Variants in PHPT1 observed in about 807,000 individuals in gnomAD.
The protein encoded by PHPT1 is phosphohistidine phosphatase 1.
Under a neutral mutation model 15.6 loss-of-function variants are expected in PHPT1, and 16 were observed. The observed-to-expected ratio is 1.03, with a 90% CI of 0.70 to 1.56. The LOEUF is 1.56. PHPT1 is among the 40% of genes most tolerant of loss of function. The pLI is 0.00. For synonymous variants in PHPT1, 102 were observed against 68.1 expected, an observed-to-expected ratio of 1.50 and a Z score of -2.45; for missense variants, 228 against 171.0, an observed-to-expected ratio of 1.33 and a Z score of -1.86.
chr9:136,850,592 A>T, intron 2 of PHPT1, 163 bp from the exon 3 acceptor site: 3 of 1,603,036 alleles, frequency 1.9e-6, no homozygotes, highest in South Asian at 2.2e-5. Context: ...GCCTCTCCCC[A>T]GGGGAGCCCC....
chr9:136,850,451 T>A, intron 2 of PHPT1: 1 of 1,508,362 alleles, frequency 6.6e-7, no homozygotes, highest in Non-Finnish European at 9.1e-7. Context: ...AGGCAGTCAG[T>A]ACCTGGGTGG....
At chr9:136,849,843 C>T in intron 1 of PHPT1, 170 bp from the exon 2 acceptor site, 1 of 792,796 alleles carries the variant, frequency 1.3e-6, no homozygotes, top group Non-Finnish European at 2.0e-6. Flanking sequence ...GCGCCCTCCC[C>T]GGTTCCACCC....
At position 136,850,805 on chromosome 9, in the gene PHPT1, G is replaced by C; in HGVS notation, c.336G>C (p.Lys112Asn). ...TTTCAACTGAGAAAATCAAAGCCAA[G>C]TACCCCGACTACGAGGTCACCTGGG... Reference protein sequence around the residue: ...HAISTEKIKAKYPDYEVTWAN... With the variant: ...HAISTEKIKANYPDYEVTWAN... The change falls in exon 3 of 3, where the codon AAG (lysine) becomes AAC (asparagine). Residue 112 changes from lysine to asparagine, a missense_variant. Physicochemically the swap from Lys to Asn is moderately conservative, Grantham distance 94 (BLOSUM62 0). Transcript: ENST00000247665. 1.2e-6 allele frequency: 2 copies of C among 1,613,264 alleles called. No individual in the cohort carries two copies. Among genetic ancestry groups the C allele is most frequent in the Non-Finnish European group, 1.7e-6 (2 of 1,179,954 alleles).
chr9:136,850,935 C>T lies in PHPT1; in HGVS notation c.*88C>T, dbSNP rs770001534. 1.0e-6 allele frequency: 1 copy of T among 1,001,554 alleles called. No homozygotes were observed. 62.0% of individuals were successfully genotyped at this position (1,001,554 alleles called of 1,614,324 possible). ...ACTCCTCTTGCAGGGCTGGCCCTGC[C>T]TGCTCCTGCGGCAGCCTCTGGTGAC... On this transcript the variant is annotated 3_prime_UTR_variant, in exon 3 of 3. Coordinates refer to ENST00000247665, the MANE Select transcript of PHPT1 (RefSeq NM_014172.6).
At chr9:136,850,338 G>A in intron 2 of PHPT1, 1 of 840,040 alleles carries the variant, frequency 1.2e-6, no homozygotes, top group Non-Finnish European at 1.9e-6. Flanking sequence ...CCTGAGGGGT[G>A]GGACGGACAC....
intron 2 of PHPT1, 173 bp from the exon 3 acceptor site, chr9:136,850,582 G>C: frequency 1.2e-6 from 2 of 1,606,552 alleles, no homozygotes; most frequent in Non-Finnish European, 1.7e-6. Context: ...TGTGGAGGTC[G>C]CCTCTCCCCA....
At chr9:136,850,683 G>A in intron 2 of PHPT1, 72 bp from the exon 3 acceptor site, 16 of 1,500,950 alleles carry the variant, frequency 1.1e-5, no homozygotes, top group East Asian at 2.3e-5. Flanking sequence ...TGTGGCTGGT[G>A]GCTGGATGCC....
intron 1 of PHPT1, 45 bp downstream of exon 1, chr9:136,849,635 GCGGGGGCGGGGCTGGCGGGA>G: frequency 6.9e-7 from 1 of 1,451,704 alleles, no homozygotes; most frequent in Non-Finnish European, 9.2e-7. Flanking sequence ...GCCTGGCGAG[GCGGGGGCGGGGCTGGCGGGA>G]CGGAGACGGG....
Position 136,850,027 on chromosome 9 carries a change from A to T in PHPT1, c.175A>T (p.Lys59Ter). ...TCCCATCCCAGCGGACATCTACGAC[A>T]AAGTGTCGGGCGACATGCAGAAGCA... ...WAEYHADIYDKVSGDMQKQGC... is the reference protein window; with the variant it reads ...WAEYHADIYD Residue 59 changes from lysine (K) to a stop codon, truncating the protein, a stop_gained, in exon 2 of 3, where the codon AAA (lysine) becomes TAA (stop). Coordinates refer to ENST00000247665, the MANE Select transcript of PHPT1 (RefSeq NM_014172.6). LOFTEE classifies it high-confidence loss of function. 6.2e-7 allele frequency: 1 copy of T among 1,612,656 alleles called. No homozygotes were observed. The highest frequency in any genetic ancestry group is 8.5e-7 in the Non-Finnish European group (1 of 1,179,692).
At chr9:136,850,720 C>T in intron 2 of PHPT1, 35 bp from the exon 3 acceptor site, 1 of 1,562,360 alleles carries the variant, frequency 6.4e-7, no homozygotes. Context: ...GTTGAAGGGT[C>T]CAGGTAGTGC....
At chr9:136,849,954 T>C (rs1201322852) in intron 1 of PHPT1, 59 bp from the exon 2 acceptor site, 2 of 1,557,548 alleles carry the variant, frequency 1.3e-6, no homozygotes, top group Non-Finnish European at 1.7e-6. Context: ...GGCTGGGAGT[T>C]CCTCCCGCGG....
In PHPT1 at chr9:136,849,570, A is replaced by G. The variant is rs753951169; in HGVS notation, c.140A>G (p.Tyr47Cys). The stretch of plus-strand genomic sequence containing the variant: ...GAGAGCAAGGAGATCGTGCGCGGCT[A>G]CAAGTGGGCTGAGTACCATGGTGAG... ...AAESKEIVRG[Y>C]KWAEYHADIY... The change falls in exon 1 of 3, where the codon TAC becomes TGC. Residue 47 changes from tyrosine (Y) to cysteine (C), a missense_variant. Tyr to Cys is a radical substitution (Grantham distance 194). Transcript: ENST00000247665. 20 of 1,604,802 alleles carry G rather than the reference A, an allele frequency of 1.2e-5. No homozygotes were observed. Among genetic ancestry groups the G allele is most frequent in the Non-Finnish European group, 1.5e-5 (18 of 1,177,654 alleles).
chr9:136,850,060 G>A lies in PHPT1; in HGVS notation c.208G>A (p.Asp70Asn). ...GGGCGACATGCAGAAGCAAGGCTGC[G>A]ACTGTGAGTGTCTGGGCGGCGGGCG... The part of the protein sequence containing the change: ...VSGDMQKQGC[D>N]CECLGGGRIS... Residue 70 changes from aspartate (D) to asparagine (N), a missense_variant, in exon 2 of 3, where the codon GAC (aspartate) becomes AAC (asparagine). Transcript: ENST00000247665. 1.2e-6 allele frequency: 2 copies of A among 1,613,170 alleles called. No homozygotes were observed. The highest frequency in any genetic ancestry group is 1.7e-6 in the Non-Finnish European group (2 of 1,179,876).
rs563301965 is a variant in PHPT1 at position 136,850,089 on chromosome 9, C to G, written c.237C>G (p.Ile79Met). The change falls in exon 2 of 3, where the codon ATC becomes ATG. Residue 79 changes from isoleucine to methionine, a missense_variant. Coordinates refer to ENST00000247665, the MANE Select transcript of PHPT1 (RefSeq NM_014172.6). ...CDCECLGGGR[I>M]SHQSQDKKIH... is the part of the protein sequence containing the mutation. ...GTGAGTGTCTGGGCGGCGGGCGCAT[C>G]TCCCACCAGAGTCAGGACAAGAAGA... 5 of 1,613,190 alleles carry G rather than the reference C, an allele frequency of 3.1e-6. No homozygotes were observed. Among genetic ancestry groups the G allele is most frequent in the Middle Eastern group, 1.7e-4 (1 of 6,060 alleles).
chr9:136,849,414 A>G lies in PHPT1; in HGVS notation c.-17A>G, dbSNP rs1564381346. ...CCCCCGGGTCGGGTGGGAGGAGGGG[A>G]CTCCGGGAGGAGGAACATGGCGGTG... On this transcript the variant is annotated 5_prime_UTR_variant, in exon 1 of 3. Coordinates refer to ENST00000247665, the MANE Select transcript of PHPT1 (RefSeq NM_014172.6). 1 of 1,584,230 alleles carries G rather than the reference A, an allele frequency of 6.3e-7. No homozygotes were observed. The highest frequency in any genetic ancestry group is 1.1e-5 in the South Asian group (1 of 88,092).
At chr9:136,849,637 G>A (rs1436235665) in intron 1 of PHPT1, 47 bp downstream of exon 1, 5 of 1,451,476 alleles carry the variant, frequency 3.4e-6, no homozygotes, top group South Asian at 1.3e-5. Flanking sequence ...CTGGCGAGGC[G>A]GGGGCGGGGC....
intron 1 of PHPT1, 71 bp downstream of exon 1, chr9:136,849,661 A>T (rs1418305540): frequency 2.3e-6 from 1 of 426,018 alleles, no homozygotes; most frequent in South Asian, 4.1e-5. Flanking sequence ...CGGGACGGAG[A>T]CGGGGCTGAC....
Position 136,850,043 on chromosome 9 carries a change from T to A in PHPT1, c.191T>A (p.Met64Lys). Reference protein sequence around the residue: ...ADIYDKVSGDMQKQGCDCECL... With the variant: ...ADIYDKVSGDKQKQGCDCECL... ...ATCTACGACAAAGTGTCGGGCGACA[T>A]GCAGAAGCAAGGCTGCGACTGTGAG... The change falls in exon 2 of 3, where the codon ATG (methionine) becomes AAG (lysine). Residue 64 changes from methionine to lysine, a missense_variant. Physicochemically the swap from Met to Lys is moderately conservative, Grantham distance 95. Transcript: ENST00000247665. 1 of 1,612,988 alleles carries A rather than the reference T, an allele frequency of 6.2e-7. No individual in the cohort carries two copies. The highest frequency in any genetic ancestry group is 8.5e-7 in the Non-Finnish European group (1 of 1,179,826).
intron 1 of PHPT1, 41 bp downstream of exon 1, chr9:136,849,631 C>CGAGGCG: frequency 1.3e-6 from 1 of 747,840 alleles, no homozygotes; most frequent in Non-Finnish European, 1.8e-6. Context: ...GCACGCCTGG[C>CGAGGCG]GAGGCGGGGG....
Sources: allele counts gnomAD v4.1 joint callset, GRCh38; gene constraint gnomAD v4.1.1; transcripts MANE v1.5; gene names NCBI Gene and HGNC (gene_info 2026-07-23, HGNC 2026-07-21).